The following PCDHGA2 variants were observed in gnomAD, a reference collection of about 807,000 sequenced individuals.
PCDHGA2 encodes the protein protocadherin gamma-A2.
Under a neutral mutation model 59.2 loss-of-function variants are expected in PCDHGA2, and 40 were observed. That is an observed-to-expected ratio of 0.68 (90% CI 0.52 to 0.88). The LOEUF (loss-of-function observed/expected upper bound fraction) is 0.88, where lower values mean the gene tolerates loss of function less well. Among genes scored for constraint, PCDHGA2 ranks in the 40% least tolerant of loss-of-function variants. The pLI is 0.00. For missense variants in PCDHGA2, 1,226 were observed against 1,204.0 expected, an observed-to-expected ratio of 1.02 and a Z score of -0.27; for synonymous variants, 560 against 526.0, an observed-to-expected ratio of 1.06 and a Z score of -0.89.
intron 1 of PCDHGA2, among the ~76,000 whole-genome samples, chr5:141,458,079 C>G (rs1016889225): frequency 6.6e-6 from 1 of 152,186 alleles, no homozygotes; most frequent in Non-Finnish European, 1.5e-5. Context: ...AACTATATTG[C>G]CGTAAGTTAA....
At chr5:141,366,944 T>C in intron 1 of PCDHGA2, 1 of 777,882 alleles carries the variant, frequency 1.3e-6, no homozygotes, top group South Asian at 2.1e-5. Flanking sequence ...GTCTAGCTGA[T>C]ATCTGTAGAC....
In PCDHGA2 at chr5:141,477,844, G is replaced by A. The variant is rs748180474; in HGVS notation, c.2425-16963G>A. On this transcript the variant is annotated intron_variant, in intron 1 of 3. Coordinates refer to ENST00000394576, the MANE Select transcript of PCDHGA2 (RefSeq NM_018915.4). This position sits in a 1 kb window ranked among gnomAD's most constrained non-coding sequence, Gnocchi z 4.9. ...TATATCCTCGGCCAGGTGGGAGCTC[G>A]GTGGAGATGCTGCCTCGAGGTACCT... The A allele has an allele frequency of 6.2e-7, 1 of 1,613,394 alleles. No individual in the cohort carries two copies.
intron 1 of PCDHGA2, chr5:141,423,618 C>CT (rs1300844043): frequency 1.9e-6 from 3 of 1,608,282 alleles, no homozygotes; most frequent in Admixed American, 1.7e-5. Flanking sequence ...TAGCTGAAGA[C>CT]TCAGCTATCA....
In PCDHGA2 at chr5:141,339,260, G is replaced by C. The variant is rs781011056; in HGVS notation, c.289G>C (p.Ala97Pro). The C allele has an allele frequency of 6.2e-7, 1 of 1,614,252 alleles. No individual in the cohort carries two copies. Among genetic ancestry groups the C allele is most frequent in the South Asian group, 1.1e-5 (1 of 91,088 alleles). The change falls in exon 1 of 4, where the codon GCT becomes CCT. Residue 97 changes from alanine to proline, a missense_variant. By Grantham distance (27) the Ala-to-Pro change is conservative. Transcript: ENST00000394576. Reference sequence around the variant, plus strand: ...CAGGATAGACCGGGAGGAGCTCTGCGCTCAGAGCGCACCCTGTCTGTTGAA... The same window carrying C: ...CAGGATAGACCGGGAGGAGCTCTGCCCTCAGAGCGCACCCTGTCTGTTGAA... ...ANRIDREELC[A>P]QSAPCLLNFN...
Position 141,511,035 on chromosome 5 carries a change from C to A in PCDHGA2, c.2661C>A (p.His887Gln). Residue 887 changes from histidine to glutamine, a missense_variant, in exon 4 of 4, where the codon CAC becomes CAA. Physicochemically the swap from His to Gln is conservative, Grantham distance 24 (BLOSUM62 0). Transcript: ENST00000394576. The stretch of plus-strand genomic sequence containing the variant: ...ACGGACCCCAGTTCACCCTGCAGCA[C>A]GTGCCCGACTACCGCCAGAATGTCT... ...ARYGPQFTLQ[H>Q]VPDYRQNVYI... 2 of 1,614,208 alleles carry A rather than the reference C, an allele frequency of 1.2e-6. No individual in the cohort carries two copies. The highest frequency in any genetic ancestry group is 1.1e-5 in the South Asian group (1 of 91,088).
At position 141,375,276 on chromosome 5, in the gene PCDHGA2, T is replaced by C. The variant is rs763492378; in HGVS notation, c.2424+33881T>C. On this transcript the variant is annotated intron_variant, in intron 1 of 3. Transcript: ENST00000394576. The stretch of plus-strand genomic sequence containing the variant: ...CTCCCATTTGAATTGGAAAAATCAG[T>C]TGGCAATTATTATCGATTAGTGACA... 10 of 1,613,700 alleles carry C rather than the reference T, an allele frequency of 6.2e-6. No homozygotes were observed. The Admixed American group carries it at 1.3e-4, about 22-fold the overall frequency.
intron 1 of PCDHGA2, chr5:141,389,969 C>G: frequency 6.2e-7 from 1 of 1,614,042 alleles, no homozygotes; most frequent in Non-Finnish European, 8.5e-7. Context: ...TGGCCTTGGC[C>G]TTGATCTCAG....
rs193229261 is a variant in PCDHGA2, at chr5:141,446,714, G to A, written c.2425-48093G>A. ...GCTGGTCTCGAACTCTGATCTGCCCGCCTCGGCCTCCCAAAGTGTGGGGAT... is the reference window on the plus strand; with the variant it reads ...GCTGGTCTCGAACTCTGATCTGCCCACCTCGGCCTCCCAAAGTGTGGGGAT... On this transcript the variant is annotated intron_variant, in intron 1 of 3. Transcript: ENST00000394576. Among the ~76,000 whole-genome samples the A allele has an allele frequency of 3.3e-3, 497 of 152,154 alleles. 2 individuals are homozygous for A. Among genetic ancestry groups the A allele is most frequent in the African/African-American group, 0.011 (450 of 41,528 alleles).
chr5:141,494,749 G>C (rs573811540), intron 1 of PCDHGA2, 58 bp from the exon 2 acceptor site: 3 of 1,612,818 alleles, frequency 1.9e-6, no homozygotes, highest in South Asian at 2.2e-5. Context: ...CTAGGGGCTC[G>C]GGTGACATTC....
In PCDHGA2 at chr5:141,489,645, C is replaced by T; in HGVS notation, c.2425-5162C>T. 1.2e-6 allele frequency: 2 copies of T among 1,614,156 alleles called. No homozygotes were observed. The highest frequency in any genetic ancestry group is 2.7e-5 in the African/African-American group (2 of 75,022). On this transcript the variant is annotated intron_variant, in intron 1 of 3. Transcript: ENST00000394576. This position sits in a 1 kb window ranked among gnomAD's most constrained non-coding sequence, Gnocchi z 4.5. ...ATGACAACTCTCCTAGCTTTGCCAC[C>T]CCTGAGCGAGAGATGCGCATCTCAG...
intron 2 of PCDHGA2, among the ~76,000 whole-genome samples, chr5:141,501,868 C>G (rs1016056445): frequency 1.3e-5 from 2 of 152,120 alleles, no homozygotes; most frequent in African/African-American, 2.4e-5. Flanking sequence ...TCCCAGGACG[C>G]CTCCTTACAC....
At position 141,399,508 on chromosome 5, in the gene PCDHGA2, A is replaced by C. The variant is rs780948105; in HGVS notation, c.2424+58113A>C. ...CTACTTAGTCAGTGTACCCGAAAAC[A>C]ACCCTCCTGGGGCCTCCATCGCGCA... On this transcript the variant is annotated intron_variant, in intron 1 of 3. Coordinates refer to ENST00000394576, the MANE Select transcript of PCDHGA2 (RefSeq NM_018915.4). 3.2e-5 allele frequency: 51 copies of C among 1,613,904 alleles called. No homozygotes were observed. In the African/African-American group the frequency reaches 6.7e-4, roughly 21 times the overall value.
chr5:141,349,323 G>A (rs1758275565), intron 1 of PCDHGA2, among the ~76,000 whole-genome samples: 1 of 152,058 alleles, frequency 6.6e-6, no homozygotes, highest in Non-Finnish European at 1.5e-5. Context: ...TCCCACCTTG[G>A]CCTCCCAAAG....
At chr5:141,492,500 C>G (rs2099741252) in intron 1 of PCDHGA2, among the ~76,000 whole-genome samples, 1 of 152,322 alleles carries the variant, frequency 6.6e-6, no homozygotes, top group South Asian at 2.1e-4. Flanking sequence ...GCGAGGACTC[C>G]GGAGCCTCCT....
chr5:141,364,391 G>C, intron 1 of PCDHGA2: 1 of 1,602,644 alleles, frequency 6.2e-7, no homozygotes. Context: ...CATGCTCCTG[G>C]GGACGCTGTG....
At chr5:141,460,872 T>C (rs2098999714) in intron 1 of PCDHGA2, among the ~76,000 whole-genome samples, 1 of 151,064 alleles carries the variant, frequency 6.6e-6, no homozygotes, top group South Asian at 2.1e-4. Flanking sequence ...GCAAAGGACA[T>C]TATTTCATGC....
chr5:141,432,172 C>T lies in PCDHGA2; in HGVS notation c.2425-62635C>T, dbSNP rs562175068. ...AGAACAATCCCAGAGGAGTTTCCCT[C>T]GTCTCTGTGACCGCCCACGACCCCG... On this transcript the variant is annotated intron_variant, in intron 1 of 3. Coordinates refer to ENST00000394576, the MANE Select transcript of PCDHGA2 (RefSeq NM_018915.4). This position sits in a 1 kb window ranked among gnomAD's most constrained non-coding sequence, Gnocchi z 6.0. 22 of 1,614,152 alleles carry T rather than the reference C, an allele frequency of 1.4e-5. No individual in the cohort carries two copies. In the Admixed American group the frequency reaches 3.5e-4, roughly 26 times the overall value.
At chr5:141,417,538 A>G (rs2154547037) in intron 1 of PCDHGA2, 2 of 297,748 alleles carry the variant, frequency 6.7e-6, no homozygotes, top group East Asian at 6.0e-5. Flanking sequence ...AGTTTAAAAA[A>G]AATTCCTTGA....
At chr5:141,395,276 A>G in intron 1 of PCDHGA2, 1 of 1,543,522 alleles carries the variant, frequency 6.5e-7, no homozygotes. Flanking sequence ...TTTCCAGATG[A>G]ATTTTATTTG....
Sources: gnomAD v4.1 joint callset for allele counts (sites outside exome capture counted in the v4.1 genomes callset) on GRCh38, gnomAD v4.1.1 for gene constraint, Gnocchi (gnomAD v3.1) non-coding constraint, MANE v1.5 for transcripts, NCBI Gene and HGNC (gene_info 2026-07-23, HGNC 2026-07-21) for gene names.